Variants in PGAP1 observed in about 807,000 individuals in gnomAD.
PGAP1 encodes the protein post-GPI attachment to proteins inositol deacylase 1.
Under a neutral mutation model 127.0 loss-of-function variants are expected in PGAP1, and 76 were observed. That is an observed-to-expected ratio of 0.60 (90% CI 0.50 to 0.72). The LOEUF (loss-of-function observed/expected upper bound fraction) is 0.72. PGAP1 is among the 30% of genes least tolerant of loss of function. The pLI, the probability that PGAP1 is intolerant of heterozygous loss-of-function variation, is 0.00. For synonymous variants in PGAP1, 362 were observed against 366.5 expected (o/e 0.99, Z 0.14); for missense variants, 982 against 1,071.3 (o/e 0.92, Z 1.16).
intron 4 of PGAP1, among the ~76,000 whole-genome samples, chr2:196,905,199 T>C (rs1702654501): frequency 6.6e-6 from 1 of 152,118 alleles, no homozygotes; most frequent in African/African-American, 2.4e-5. Context: ...CTTTGAGTCA[T>C]TCTAATTTAA....
At chr2:196,895,823 T>C (rs1436192050) in intron 7 of PGAP1, among the ~76,000 whole-genome samples, 2 of 152,194 alleles carry the variant, frequency 1.3e-5, no homozygotes, top group African/African-American at 4.8e-5. Flanking sequence ...TCACCCATAC[T>C]AGTTGCCCAA....
At chr2:196,848,261 A>C (rs1258640590) in intron 20 of PGAP1, among the ~76,000 whole-genome samples, 1 of 152,142 alleles carries the variant, frequency 6.6e-6, no homozygotes, top group East Asian at 1.9e-4. Context: ...AGGAAGTCAA[A>C]GCTGGGGTTT....
chr2:196,849,411 G>A (rs943067334), intron 20 of PGAP1, among the ~76,000 whole-genome samples: 6 of 150,704 alleles, frequency 4.0e-5, no homozygotes, highest in Admixed American at 6.6e-5. Flanking sequence ...CTACAGGCAC[G>A]TGCCACCACG....
intron 20 of PGAP1, among the ~76,000 whole-genome samples, chr2:196,861,779 T>C (rs1176233050): frequency 6.6e-6 from 1 of 152,144 alleles, no homozygotes; most frequent in East Asian, 1.9e-4. Flanking sequence ...TTAATACTTT[T>C]ATAATTTCTT....
intron 5 of PGAP1, among the ~76,000 whole-genome samples, chr2:196,899,451 T>C (rs527361407): frequency 3.0e-4 from 46 of 152,248 alleles, no homozygotes; most frequent in African/African-American, 8.7e-4. Context: ...GATAGTTTAC[T>C]AAAAAAAATT....
chr2:196,849,903 A>G (rs1216233325), intron 20 of PGAP1, among the ~76,000 whole-genome samples: 1 of 152,178 alleles, frequency 6.6e-6, no homozygotes, highest in Non-Finnish European at 1.5e-5. Flanking sequence ...ATTGTACTAC[A>G]GTTTCTACAT....
chr2:196,872,893 TAAAC>T (rs1482702167), intron 17 of PGAP1, 63 bp downstream of exon 17: 4 of 668,912 alleles, frequency 6.0e-6, no homozygotes, highest in Non-Finnish European at 1.1e-5. Flanking sequence ...TTTAAATAAA[TAAAC>T]TAAGCAGAAT....
intron 7 of PGAP1, among the ~76,000 whole-genome samples, chr2:196,895,606 G>A (rs1416652461): frequency 6.6e-6 from 1 of 152,178 alleles, no homozygotes; most frequent in Non-Finnish European, 1.5e-5. Flanking sequence ...ACCGAATCTT[G>A]TAGCTTAAAA....
chr2:196,876,840 G>C (rs1321401465), intron 13 of PGAP1, among the ~76,000 whole-genome samples: 1 of 151,878 alleles, frequency 6.6e-6, no homozygotes, highest in East Asian at 1.9e-4. Context: ...CATACACTTG[G>C]GGGAATAAAA....
intron 20 of PGAP1, among the ~76,000 whole-genome samples, chr2:196,850,771 A>G (rs1213627029): frequency 6.6e-6 from 1 of 151,764 alleles, no homozygotes; most frequent in Non-Finnish European, 1.5e-5. Flanking sequence ...GGAAGGGAAG[A>G]AAGAAAAGGA....
chr2:196,847,770 A>G, intron 21 of PGAP1, 177 bp downstream of exon 21: 2 of 449,712 alleles, frequency 4.4e-6, no homozygotes, highest in Non-Finnish European at 7.8e-6. Flanking sequence ...AAATGATACT[A>G]TTGAAGTAGA....
intron 10 of PGAP1, among the ~76,000 whole-genome samples, chr2:196,886,412 C>T (rs757972788): frequency 6.6e-6 from 1 of 151,930 alleles, no homozygotes; most frequent in Non-Finnish European, 1.5e-5. Flanking sequence ...CTGCCCGCCT[C>T]GGCCTTCCAA....
chr2:196,884,410 G>C (rs564940964), intron 12 of PGAP1, among the ~76,000 whole-genome samples: 1 of 152,228 alleles, frequency 6.6e-6, no homozygotes, highest in Non-Finnish European at 1.5e-5. Flanking sequence ...TATCATATTT[G>C]TTTGATAAAC....
intron 20 of PGAP1, among the ~76,000 whole-genome samples, chr2:196,855,070 C>A (rs1348158330): frequency 6.6e-6 from 1 of 151,356 alleles, no homozygotes; most frequent in Non-Finnish European, 1.5e-5. Context: ...CGCCTGTAAT[C>A]CTAGCACTTT....
chr2:196,868,748 T>G (rs1039177295), intron 19 of PGAP1, among the ~76,000 whole-genome samples: 17 of 152,284 alleles, frequency 1.1e-4, no homozygotes, highest in South Asian at 4.1e-4. Context: ...AGAAAAAAAT[T>G]TAACTTTATG....
At chr2:196,874,648 A>G (rs928282772) in intron 14 of PGAP1, among the ~76,000 whole-genome samples, 2 of 152,232 alleles carry the variant, frequency 1.3e-5, no homozygotes, top group Admixed American at 1.3e-4. Context: ...CGTATACTCA[A>G]TATGATATAG....
intron 3 of PGAP1, among the ~76,000 whole-genome samples, chr2:196,913,324 G>A (rs4850405): frequency 6.6e-6 from 1 of 152,128 alleles, no homozygotes; most frequent in African/African-American, 2.4e-5. Context: ...TTATACTGTT[G>A]GTTACACTAC....
chr2:196,920,246 T>C, intron 1 of PGAP1, 96 bp from the exon 2 acceptor site: 3 of 1,076,040 alleles, frequency 2.8e-6, no homozygotes, highest in Non-Finnish European at 3.9e-6. Flanking sequence ...TTTGAAATAG[T>C]GCAATATAAA....
chr2:196,872,169 G>A (rs1444175959), intron 18 of PGAP1, among the ~76,000 whole-genome samples: 1 of 151,990 alleles, frequency 6.6e-6, no homozygotes, highest in Non-Finnish European at 1.5e-5. Flanking sequence ...TCTGGACTTG[G>A]GGCTTCCAAA....
Sources: gnomAD v4.1 joint callset for allele counts (sites outside exome capture counted in the v4.1 genomes callset) on GRCh38, gnomAD v4.1.1 for gene constraint, MANE v1.5 for transcripts, NCBI Gene and HGNC (gene_info 2026-07-23, HGNC 2026-07-21) for gene names.